FRMD5: variants seen among roughly 807,000 people sequenced by gnomAD.
FRMD5 encodes FERM domain-containing protein 5.
FRMD5 carries 20 observed loss-of-function variants against 69.0 expected under a neutral mutation model. The observed-to-expected ratio is 0.29, with a 90% CI of 0.20 to 0.42. The LOEUF is 0.42. FRMD5 is among the 10% of genes least tolerant of loss of function. The probability of loss-of-function intolerance (pLI) is 1.00; values close to 1 mark genes in which losing one functional copy is unlikely to be tolerated. For missense variants in FRMD5, 595 were observed against 708.6 expected (o/e 0.84, Z 1.82); for synonymous variants, 271 against 260.1 (o/e 1.04, Z -0.40).
chr15:43,931,949 G>A (rs1008183), intron 1 of FRMD5, among the ~76,000 whole-genome samples: 1 of 152,038 alleles, frequency 6.6e-6, no homozygotes, highest in African/African-American at 2.4e-5. Flanking sequence ...CTTTGAGAAC[G>A]AGCACTAAGT....
intron 1 of FRMD5, among the ~76,000 whole-genome samples, chr15:44,016,770 C>G (rs1890978718): frequency 6.6e-6 from 1 of 151,260 alleles, no homozygotes; most frequent in South Asian, 2.1e-4. Context: ...AGTCTAGCTA[C>G]TACAATTTTA....
chr15:44,112,964 A>G (rs557015385), intron 1 of FRMD5, among the ~76,000 whole-genome samples: 2 of 152,312 alleles, frequency 1.3e-5, no homozygotes, highest in South Asian at 4.1e-4. Flanking sequence ...TGCTTCAGAG[A>G]TAAGTTAAGC....
chr15:43,929,013 A>G (rs2140460321), intron 1 of FRMD5, among the ~76,000 whole-genome samples: 1 of 152,358 alleles, frequency 6.6e-6, no homozygotes, highest in Non-Finnish European at 1.5e-5. Flanking sequence ...TTTATGAACC[A>G]CAACAGTGCC....
chr15:43,884,173 G>A (rs2088605630), intron 12 of FRMD5, among the ~76,000 whole-genome samples: 1 of 152,162 alleles, frequency 6.6e-6, no homozygotes, highest in South Asian at 2.1e-4. Context: ...TCCAATAGAG[G>A]CTGCTGATGA....
At chr15:44,103,064 A>AT (rs1166523888) in intron 1 of FRMD5, among the ~76,000 whole-genome samples, 39 of 152,218 alleles carry the variant, frequency 2.6e-4, no homozygotes, top group Admixed American at 2.4e-3. Flanking sequence ...TATTCAAAGA[A>AT]AGGAGGACAC....
intron 11 of FRMD5, chr15:43,885,078 C>CA (rs748506595): frequency 1.9e-5 from 7 of 367,646 alleles, no homozygotes; most frequent in East Asian, 8.8e-5. Context: ...AATTACATCA[C>CA]AAAAAAACAC....
At chr15:43,928,803 G>A (rs1410775788) in intron 1 of FRMD5, among the ~76,000 whole-genome samples, 1 of 152,174 alleles carries the variant, frequency 6.6e-6, no homozygotes, top group African/African-American at 2.4e-5. Context: ...GGAGAAACAG[G>A]CACTTGCGCT....
chr15:44,014,299 A>G (rs1890857672), intron 1 of FRMD5, among the ~76,000 whole-genome samples: 1 of 152,250 alleles, frequency 6.6e-6, no homozygotes, highest in Non-Finnish European at 1.5e-5. Context: ...ATTCATCCAA[A>G]CAAAAGTAGT....
intron 13 of FRMD5, among the ~76,000 whole-genome samples, chr15:43,876,409 G>A (rs1309849682): frequency 2.0e-5 from 3 of 152,178 alleles, no homozygotes; most frequent in Non-Finnish European, 4.4e-5. Flanking sequence ...GGCCAGACAC[G>A]ATGGCTCCCA....
Position 44,140,987 on chromosome 15 carries a change from C to G in FRMD5, c.102+53966G>C, listed in dbSNP as rs575993942. On this transcript the variant is annotated intron_variant, in intron 1 of 13. Coordinates refer to ENST00000417257, the MANE Select transcript of FRMD5 (RefSeq NM_032892.5). ...TCAACTTGTAAAAACTGACAGTGTT[C>G]TCTTACATACCGTAATAACCAACTT... Among the ~76,000 whole-genome samples the G allele has an allele frequency of 1.7e-4, 5 of 28,596 alleles. No homozygotes were observed. In the South Asian group the frequency reaches 6.9e-3, roughly 40 times the overall value. The allele number at this position is 28,596 out of a possible 152,430, so 18.8% of individuals were successfully genotyped here.
At chr15:44,016,060 C>G (rs1890943116) in intron 1 of FRMD5, among the ~76,000 whole-genome samples, 1 of 152,078 alleles carries the variant, frequency 6.6e-6, no homozygotes, top group African/African-American at 2.4e-5. Flanking sequence ...TTCATAGGAC[C>G]CAAAGAAGCA....
chr15:43,972,631 G>A lies in FRMD5; in HGVS notation c.103-48322C>T, dbSNP rs545965965. On this transcript the variant is annotated intron_variant, in intron 1 of 13. Transcript: ENST00000417257. Reference sequence around the variant, plus strand: ...TTCAGCCCCAGTTGCCCCCTTGGCCGGGTGCCCTTGTACAATAACTAACCT... The same window carrying A: ...TTCAGCCCCAGTTGCCCCCTTGGCCAGGTGCCCTTGTACAATAACTAACCT... 7.7e-4 allele frequency among the ~76,000 whole-genome samples: 117 copies of A among 152,082 alleles called. 1 individual carries two copies. The highest frequency in any genetic ancestry group is 2.6e-3 in the African/African-American group (106 of 41,372).
intron 1 of FRMD5, among the ~76,000 whole-genome samples, chr15:44,131,205 A>C (rs1026150477): frequency 6.6e-6 from 1 of 152,226 alleles, no homozygotes; most frequent in African/African-American, 2.4e-5. Flanking sequence ...AATATGCTCA[A>C]CATTACTAAT....
At chr15:43,962,592 T>C (rs377533089) in intron 1 of FRMD5, among the ~76,000 whole-genome samples, 60 of 152,282 alleles carry the variant, frequency 3.9e-4, no homozygotes, top group East Asian at 3.3e-3. Flanking sequence ...GAGCCCGCAT[T>C]GCCAAGTCAA....
intron 1 of FRMD5, among the ~76,000 whole-genome samples, chr15:44,081,250 A>G (rs1893985599): frequency 6.6e-6 from 1 of 152,142 alleles, no homozygotes; most frequent in Non-Finnish European, 1.5e-5. Flanking sequence ...TTAAGTTTAC[A>G]TAATTTCCTA....
At chr15:44,155,117 T>G (rs1200423644) in intron 1 of FRMD5, among the ~76,000 whole-genome samples, 1 of 152,076 alleles carries the variant, frequency 6.6e-6, no homozygotes, top group Non-Finnish European at 1.5e-5. Context: ...GAGGAGACAG[T>G]ACAGCATACA....
chr15:44,004,253 T>C (rs1215484061), intron 1 of FRMD5, among the ~76,000 whole-genome samples: 2 of 152,218 alleles, frequency 1.3e-5, no homozygotes, highest in African/African-American at 2.4e-5. Flanking sequence ...GAAAATGCCA[T>C]AGTTTTTATT....
At chr15:44,107,097 C>A (rs2076730721) in intron 1 of FRMD5, among the ~76,000 whole-genome samples, 1 of 152,138 alleles carries the variant, frequency 6.6e-6, no homozygotes, top group Admixed American at 6.5e-5. Context: ...AGGGCCCCAG[C>A]ACAATGGTAT....
intron 1 of FRMD5, among the ~76,000 whole-genome samples, chr15:44,026,053 C>G (rs1181743509): frequency 6.6e-6 from 1 of 152,224 alleles, no homozygotes; most frequent in Non-Finnish European, 1.5e-5. Flanking sequence ...TCTCAGCTCT[C>G]TGCAACATCT....
Sources: gnomAD v4.1 joint callset for allele counts (sites outside exome capture counted in the v4.1 genomes callset) on GRCh38, gnomAD v4.1.1 for gene constraint, MANE v1.5 for transcripts, NCBI Gene and HGNC (gene_info 2026-07-23, HGNC 2026-07-21) for gene names.